The following SHISAL1 variants were observed in gnomAD, a reference collection of about 807,000 sequenced individuals.
SHISAL1 encodes the protein shisa like 1, also known as protein shisa-like-1.
SHISAL1 carries 9 observed loss-of-function variants against 22.6 expected under a neutral mutation model. That is an observed-to-expected ratio of 0.40 (90% CI 0.24 to 0.70). The LOEUF (loss-of-function observed/expected upper bound fraction) is 0.70. Ranked by LOEUF, SHISAL1 falls within the 30% of genes least tolerant of loss-of-function variation. The probability of loss-of-function intolerance (pLI) is 0.39; values close to 1 mark genes in which losing one functional copy is unlikely to be tolerated. For missense variants in SHISAL1, 246 were observed against 270.6 expected (o/e 0.91, Z 0.64); for synonymous variants, 119 against 115.4 (o/e 1.03, Z -0.20).
In SHISAL1 at chr22:44,312,755, C is replaced by A; in HGVS notation, c.-37G>T. 1 of 152,424 alleles carries A rather than the reference C, an allele frequency of 6.6e-6. No individual in the cohort carries two copies. 9.4% of individuals were successfully genotyped at this position (152,424 alleles called of 1,614,324 possible). A position where few individuals can be genotyped will look rare whatever the true frequency, so the allele number is the denominator to read the frequency against. On this transcript the variant is annotated 5_prime_UTR_variant, in exon 1 of 5. Transcript: ENST00000381176. ...CCTCCACAGGCTGCTCCTTACCTGC[C>A]GAGCCCTGTGACTGAGGGATCAGAA...
intron 4 of SHISAL1, among the ~76,000 whole-genome samples, chr22:44,252,173 G>C (rs376650471): frequency 2.0e-5 from 3 of 152,132 alleles, no homozygotes; most frequent in African/African-American, 7.2e-5. Flanking sequence ...AAGCAGGGAG[G>C]TGATATAAGT....
At chr22:44,281,042 G>A (rs1312041180) in intron 4 of SHISAL1, among the ~76,000 whole-genome samples, 2 of 152,174 alleles carry the variant, frequency 1.3e-5, no homozygotes, top group African/African-American at 4.8e-5. Context: ...AACCCTGGGG[G>A]CACAGCAGCT....
upstream of SHISAL1, among the ~76,000 whole-genome samples, chr22:44,315,071 C>T (rs901267579): frequency 4.6e-5 from 7 of 152,100 alleles, no homozygotes; most frequent in Admixed American, 1.3e-4. Flanking sequence ...CACAGGCTGA[C>T]GTTCCTGCTC....
chr22:44,327,530 A>G, the SHISAL1 span, among the ~76,000 whole-genome samples: 1 of 152,146 alleles, frequency 6.6e-6, no homozygotes, highest in African/African-American at 2.4e-5. Context: ...CCCCAGCTAG[A>G]GAATGATTTA....
At chr22:44,331,489 G>T in the SHISAL1 span, among the ~76,000 whole-genome samples, 18 of 150,516 alleles carry the variant, frequency 1.2e-4, no homozygotes, top group African/African-American at 4.1e-4. This position sits in a 1 kb window ranked among gnomAD's most constrained non-coding sequence, Gnocchi z 5.2. Context: ...CCGGGGCTCA[G>T]CTCACCTCGT....
chr22:44,264,948 C>T (rs1378578739), intron 4 of SHISAL1, among the ~76,000 whole-genome samples: 1 of 151,976 alleles, frequency 6.6e-6, no homozygotes, highest in Non-Finnish European at 1.5e-5. Context: ...GACAACGTCC[C>T]CAACACACAC....
rs147319653 is a variant in SHISAL1 at position 44,274,027 on chromosome 22, G to A, written c.599+11401C>T. 5.6e-3 allele frequency among the ~76,000 whole-genome samples: 852 copies of A among 152,138 alleles called. 10 individuals are homozygous for A. The highest frequency in any genetic ancestry group is 0.02 in the African/African-American group (828 of 41,466). On this transcript the variant is annotated intron_variant, in intron 4 of 4. Transcript: ENST00000381176. Reference sequence around the variant, plus strand: ...GAGGTCAGGAGTTCGAGACCAGCCTGGCTGACATAGTGAACCTCCCGGCCC... The same window carrying A: ...GAGGTCAGGAGTTCGAGACCAGCCTAGCTGACATAGTGAACCTCCCGGCCC...
intron 3 of SHISAL1, among the ~76,000 whole-genome samples, chr22:44,289,379 T>C (rs1192069876): frequency 6.6e-6 from 1 of 152,202 alleles, no homozygotes; most frequent in East Asian, 1.9e-4. Context: ...TGTGCCTGCT[T>C]GTCCCGGCCC....
At chr22:44,253,785 T>C (rs16991714) in intron 4 of SHISAL1, among the ~76,000 whole-genome samples, 13,142 of 151,606 alleles carry the variant, frequency 0.087, 911 homozygotes, top group Admixed American at 0.18. Flanking sequence ...CCATATGCAG[T>C]TGGCAAAAAC....
intron 1 of SHISAL1, among the ~76,000 whole-genome samples, chr22:44,311,761 G>A (rs1379893731): frequency 1.3e-5 from 2 of 152,342 alleles, no homozygotes; most frequent in East Asian, 3.9e-4. Flanking sequence ...GGGTCACAGG[G>A]CGAGGGGCTC....
chr22:44,271,759 C>T (rs1419531247), intron 4 of SHISAL1, among the ~76,000 whole-genome samples: 7 of 152,184 alleles, frequency 4.6e-5, no homozygotes, highest in Admixed American at 3.9e-4. Context: ...TTACTGCCAC[C>T]GGCCCAACCA....
intron 4 of SHISAL1, among the ~76,000 whole-genome samples, chr22:44,277,250 G>A (rs906979993): frequency 5.9e-5 from 9 of 152,134 alleles, no homozygotes; most frequent in African/African-American, 1.2e-4. Flanking sequence ...CAGCTGCTCC[G>A]TGCCAGGGCC....
Position 44,244,292 on chromosome 22 carries a change from C to T in SHISAL1, c.*5393G>A, listed in dbSNP as rs2054979893. On this transcript the variant is annotated 3_prime_UTR_variant, in exon 5 of 5. Coordinates refer to ENST00000381176, the MANE Select transcript of SHISAL1 (RefSeq NM_001099294.2). ...CACATTTTGGAGGCTGGTTTAGGGTCATTCAACAGGGTACCTCATTGTACA... is the reference window on the plus strand; with the variant it reads ...CACATTTTGGAGGCTGGTTTAGGGTTATTCAACAGGGTACCTCATTGTACA... The T allele has an allele frequency of 6.6e-6, 1 of 152,172 alleles. No homozygotes were observed. Among genetic ancestry groups the T allele is most frequent in the Non-Finnish European group, 1.5e-5 (1 of 68,062 alleles). The allele number at this position is 152,172 out of a possible 1,614,324, so 9.4% of individuals were successfully genotyped here.
At chr22:44,266,530 GT>G (rs1569211365) in intron 4 of SHISAL1, among the ~76,000 whole-genome samples, 25 of 124,178 alleles carry the variant, frequency 2.0e-4, no homozygotes, top group African/African-American at 8.0e-4. Flanking sequence ...TTTGGGGTAT[GT>G]GTGTGTGTGT....
chr22:44,317,913 A>C (rs903611856), upstream of SHISAL1, among the ~76,000 whole-genome samples: 1 of 152,248 alleles, frequency 6.6e-6, no homozygotes, highest in Non-Finnish European at 1.5e-5. Flanking sequence ...TGGCTAATGA[A>C]CATGTCTGCC....
chr22:44,288,433 G>A (rs2055331167), intron 3 of SHISAL1, among the ~76,000 whole-genome samples: 1 of 151,956 alleles, frequency 6.6e-6, no homozygotes, highest in Admixed American at 6.6e-5. Flanking sequence ...TCAGGAGATC[G>A]AGACCATCCT....
chr22:44,269,902 C>T (rs2055194946), intron 4 of SHISAL1, among the ~76,000 whole-genome samples: 2 of 152,226 alleles, frequency 1.3e-5, no homozygotes, highest in African/African-American at 4.8e-5. Context: ...CACTGTCCTT[C>T]CTGGTCAGCA....
At chr22:44,302,971 G>A (rs947643196) in intron 1 of SHISAL1, among the ~76,000 whole-genome samples, 4 of 152,062 alleles carry the variant, frequency 2.6e-5, no homozygotes, top group Admixed American at 6.5e-5. Context: ...GTATCAGCAG[G>A]GCCACTAGAG....
At chr22:44,265,453 C>G (rs1030157935) in intron 4 of SHISAL1, among the ~76,000 whole-genome samples, 1 of 152,150 alleles carries the variant, frequency 6.6e-6, no homozygotes, top group African/African-American at 2.4e-5. Flanking sequence ...CCTGAGTGAG[C>G]TGAGAGGTGT....
Sources: gnomAD v4.1 joint callset for allele counts (sites outside exome capture counted in the v4.1 genomes callset) on GRCh38, gnomAD v4.1.1 for gene constraint, Gnocchi (gnomAD v3.1) non-coding constraint, MANE v1.5 for transcripts, NCBI Gene and HGNC (gene_info 2026-07-23, HGNC 2026-07-21) for gene names.